The following EZR variants were observed in gnomAD, a reference collection of about 807,000 sequenced individuals.
EZR encodes ezrin, also known as cytovillin 2.
In EZR, 40 loss-of-function variants were observed where a neutral mutation model predicts 74.8. The ratio of observed to expected loss-of-function variants is 0.53; its 90% confidence interval spans 0.42 to 0.70. The LOEUF (loss-of-function observed/expected upper bound fraction) is 0.70, where lower values mean the gene tolerates loss of function less well. Among genes scored for constraint, EZR ranks in the 30% least tolerant of loss-of-function variants. The pLI is 0.00. For missense variants in EZR, 678 were observed against 755.8 expected (o/e 0.90, Z 1.21); for synonymous variants, 341 against 283.3 (o/e 1.20, Z -2.05).
intron 2 of EZR, among the ~76,000 whole-genome samples, chr6:158,804,058 T>C (rs2128575018): frequency 6.6e-6 from 1 of 152,210 alleles, no homozygotes; most frequent in Admixed American, 6.5e-5. Flanking sequence ...ATGCCCGAGT[T>C]CCAAGCCTGC....
At chr6:158,776,118 A>C (rs1455850450) in intron 8 of EZR, among the ~76,000 whole-genome samples, 2 of 152,222 alleles carry the variant, frequency 1.3e-5, no homozygotes, top group East Asian at 3.8e-4. Context: ...CAGGTGGTCA[A>C]GGGGACAGGC....
rs139232008 is a variant in EZR at position 158,781,700 on chromosome 6, C to A, written c.698+1820G>T. On this transcript the variant is annotated intron_variant, in intron 7 of 13. Transcript: ENST00000367075. The stretch of plus-strand genomic sequence containing the variant: ...CTTGGCATGGCTGTCTTAATAGCCA[C>A]GGCTTCAGCTCTAGGGTCTCCCGGA... Among the ~76,000 whole-genome samples, 357 of 152,224 alleles carry A rather than the reference C, an allele frequency of 2.3e-3. 1 individual carries two copies. Among genetic ancestry groups the A allele is most frequent in the African/African-American group, 8.3e-3 (343 of 41,522 alleles).
chr6:158,817,937 G>A, intron 2 of EZR, 145 bp downstream of exon 2: 1 of 636,650 alleles, frequency 1.6e-6, no homozygotes, highest in Non-Finnish European at 2.5e-6. Flanking sequence ...AACAAAGAGC[G>A]GCGAAAACCT....
intron 8 of EZR, among the ~76,000 whole-genome samples, chr6:158,774,966 G>A (rs975398239): frequency 2.7e-5 from 4 of 150,400 alleles, no homozygotes; most frequent in East Asian, 1.9e-4. Context: ...TTCAATACGC[G>A]TTTAATTTTA....
intron 2 of EZR, among the ~76,000 whole-genome samples, chr6:158,807,859 C>A (rs1045527328): frequency 6.6e-6 from 1 of 152,160 alleles, no homozygotes; most frequent in Non-Finnish European, 1.5e-5. Flanking sequence ...TTTAGTCAGA[C>A]CAGCATCTCC....
chr6:158,787,130 G>T lies in EZR; in HGVS notation c.170C>A (p.Thr57Asn). 1 of 1,613,460 alleles carries T rather than the reference G, an allele frequency of 6.2e-7. No individual in the cohort carries two copies. The highest frequency in any genetic ancestry group is 8.5e-7 in the Non-Finnish European group (1 of 1,179,442). Residue 57 changes from threonine to asparagine, a missense_variant, in exon 4 of 14, where the codon ACC becomes AAC. Coordinates refer to ENST00000367075, the MANE Select transcript of EZR (RefSeq NM_001111077.2). ...TGCCTTCTTATCCAGCTTCAGCCAG[G>T]TAGGAAATCCTTTATTATCCACATA... ...LHYVDNKGFP[T>N]WLKLDKKVSA...
At chr6:158,818,650 AGCGGAGAGAG>A (rs1425467863) in intron 1 of EZR, among the ~76,000 whole-genome samples, 3 of 147,652 alleles carry the variant, frequency 2.0e-5, no homozygotes, top group Non-Finnish European at 4.5e-5. Flanking sequence ...AGGTGCACCC[AGCGGAGAGAG>A]GCGGAGAAGA....
chr6:158,807,926 A>G (rs983712950), intron 2 of EZR, among the ~76,000 whole-genome samples: 3 of 152,196 alleles, frequency 2.0e-5, no homozygotes, highest in Admixed American at 2.0e-4. Context: ...TCAGGCTCAA[A>G]TACACATTAG....
Position 158,770,783 on chromosome 6 carries a change from C to G in EZR, c.1071G>C (p.Lys357Asn), listed in dbSNP as rs779446669. The change falls in exon 10 of 14, where the codon AAG becomes AAC. Residue 357 changes from lysine (K) to asparagine (N), a missense_variant. Transcript: ENST00000367075. ...CCTGACCTCTCTCTGCCTTCTTTGT[C>G]TTCTCCTCATAGTCCTGCAGCCGCA... Reference protein sequence around the residue: ...LMLRLQDYEEKTKKAERELSE... With the variant: ...LMLRLQDYEENTKKAERELSE... 1.2e-6 allele frequency: 2 copies of G among 1,614,190 alleles called. No individual in the cohort carries two copies. Among genetic ancestry groups the G allele is most frequent in the Admixed American group, 3.3e-5 (2 of 60,020 alleles).
At position 158,787,122 on chromosome 6, in the gene EZR, T is replaced by G; in HGVS notation, c.178A>C (p.Lys60Gln). ...TCCTGACTTGCCTTCTTATCCAGCT[T>G]CAGCCAGGTAGGAAATCCTTTATTA... Reference protein sequence around the residue: ...VDNKGFPTWLKLDKKVSAQEV... With the variant: ...VDNKGFPTWLQLDKKVSAQEV... Residue 60 changes from lysine (K) to glutamine (Q), a missense_variant, in exon 4 of 14, where the codon AAG becomes CAG. Physicochemically the swap from Lys to Gln is moderately conservative, Grantham distance 53. Coordinates refer to ENST00000367075, the MANE Select transcript of EZR (RefSeq NM_001111077.2). 1 of 1,613,364 alleles carries G rather than the reference T, an allele frequency of 6.2e-7. No individual in the cohort carries two copies. Among genetic ancestry groups the G allele is most frequent in the Non-Finnish European group, 8.5e-7 (1 of 1,179,334 alleles).
At position 158,785,485 on chromosome 6, in the gene EZR, G is replaced by C; in HGVS notation, c.291C>G (p.Ile97Met). The change falls in exon 5 of 14, where the codon ATC (isoleucine) becomes ATG (methionine). Residue 97 changes from isoleucine (I) to methionine (M), a missense_variant. By Grantham distance (10) the Ile-to-Met change is conservative. Coordinates refer to ENST00000367075, the MANE Select transcript of EZR (RefSeq NM_001111077.2). ...CTTGGAGGAAGAAAAGTTTCTGGGT[G>C]ATGTCCTGGATGAGCTCCTCAGCCA... ...EDVAEELIQD[I>M]TQKLFFLQVK... 1 of 1,614,236 alleles carries C rather than the reference G, an allele frequency of 6.2e-7. No individual in the cohort carries two copies.
intron 5 of EZR, 24 bp downstream of exon 5, chr6:158,785,285 C>T: frequency 1.2e-6 from 2 of 1,608,944 alleles, no homozygotes; most frequent in Non-Finnish European, 1.7e-6. Flanking sequence ...TGCTCCTGCC[C>T]AGGCCGGGTC....
Position 158,765,832 on chromosome 6 carries a change from A to G in EZR, c.*1082T>C. On this transcript the variant is annotated 3_prime_UTR_variant, in exon 14 of 14. Coordinates refer to ENST00000367075, the MANE Select transcript of EZR (RefSeq NM_001111077.2). Reference sequence around the variant, plus strand: ...TTAGCTGTGAAGGAGAAAGCAGTGCACGAGAAGGAATGAGTGGGCGGAACC... The same window carrying G: ...TTAGCTGTGAAGGAGAAAGCAGTGCGCGAGAAGGAATGAGTGGGCGGAACC... 6.6e-6 allele frequency: 1 copy of G among 152,382 alleles called. No individual in the cohort carries two copies. Among genetic ancestry groups the G allele is most frequent in the South Asian group, 2.1e-4 (1 of 4,832 alleles). 9.4% of individuals were successfully genotyped at this position (152,382 alleles called of 1,614,324 possible).
At chr6:158,808,325 T>TGC (rs1777385224) in intron 2 of EZR, among the ~76,000 whole-genome samples, 1 of 152,202 alleles carries the variant, frequency 6.6e-6, no homozygotes, top group Non-Finnish European at 1.5e-5. Flanking sequence ...GGGAAGCAGT[T>TGC]GCTGTTCTGT....
chr6:158,774,901 T>TCC (rs879454090), intron 8 of EZR, among the ~76,000 whole-genome samples: 4 of 152,024 alleles, frequency 2.6e-5, no homozygotes, highest in African/African-American at 7.2e-5. Flanking sequence ...GCTATGACCC[T>TCC]CCATTCATGC....
chr6:158,766,962 G>C lies in EZR; in HGVS notation c.1713C>G (p.Ile571Met). ...TGCGCTGCTTGGTGTTGCCCTGCCG[G>C]ATCTGCCGCAGCGTCTTGTACTTGT... Reference protein sequence around the residue: ...GRDKYKTLRQIRQGNTKQRID... With the variant: ...GRDKYKTLRQMRQGNTKQRID... The change falls in exon 14 of 14, where the codon ATC (isoleucine) becomes ATG (methionine). Residue 571 changes from isoleucine (I) to methionine (M), a missense_variant. Coordinates refer to ENST00000367075, the MANE Select transcript of EZR (RefSeq NM_001111077.2). The C allele has an allele frequency of 6.2e-7, 1 of 1,614,182 alleles. No homozygotes were observed. The highest frequency in any genetic ancestry group is 8.5e-7 in the Non-Finnish European group (1 of 1,180,028).
In EZR at chr6:158,766,866, G is replaced by C; in HGVS notation, c.*48C>G. The C allele has an allele frequency of 6.4e-7, 1 of 1,567,826 alleles. No individual in the cohort carries two copies. Among genetic ancestry groups the C allele is most frequent in the South Asian group, 1.1e-5 (1 of 87,610 alleles). ...TAAAGACACAAGCGTGGCGGGGCTG[G>C]CAGCGCCCGCTATGAGCACCCCTCT... is the stretch of plus-strand genomic sequence containing the variant. On this transcript the variant is annotated 3_prime_UTR_variant, in exon 14 of 14. Coordinates refer to ENST00000367075, the MANE Select transcript of EZR (RefSeq NM_001111077.2).
At chr6:158,803,590 TATATATATATATATAC>T (rs1562504584) in intron 2 of EZR, among the ~76,000 whole-genome samples, 22 of 13,522 alleles carry the variant, frequency 1.6e-3, no homozygotes, top group Admixed American at 8.2e-3. Flanking sequence ...TACATATATA[TATATATATATATATAC>T]ATATATATAT....
chr6:158,812,964 A>G (rs1336067664), intron 2 of EZR, among the ~76,000 whole-genome samples: 1 of 152,198 alleles, frequency 6.6e-6, no homozygotes, highest in Non-Finnish European at 1.5e-5. Context: ...AGCTCCCTCA[A>G]TGGTCTACCA....
Sources: gnomAD v4.1 joint callset for allele counts (sites outside exome capture counted in the v4.1 genomes callset) on GRCh38, gnomAD v4.1.1 for gene constraint, MANE v1.5 for transcripts, NCBI Gene and HGNC (gene_info 2026-07-23, HGNC 2026-07-21) for gene names.